Variants in ZFAT observed in about 807,000 individuals in gnomAD.
ZFAT encodes the protein zinc finger protein ZFAT.
In ZFAT, 64 loss-of-function variants were observed where a neutral mutation model predicts 117.7. The observed-to-expected ratio is 0.54, with a 90% CI of 0.44 to 0.67. The LOEUF is 0.67. Ranked by LOEUF, ZFAT falls within the 30% of genes least tolerant of loss-of-function variation. ZFAT has a pLI of 0.00. For synonymous variants in ZFAT, 679 were observed against 615.0 expected (o/e 1.10, Z -1.54); for missense variants, 1,433 against 1,584.5 (o/e 0.90, Z 1.62).
At chr8:134,786,906 T>G in the ZFAT span, among the ~76,000 whole-genome samples, 2 of 151,384 alleles carry the variant, frequency 1.3e-5, no homozygotes, top group African/African-American at 4.9e-5. Context: ...TGGAGTGTAG[T>G]GACACAATTA....
rs117338022 is a variant in ZFAT at position 134,479,783 on chromosome 8, G to A, written c.3493-1062C>T. 3.0e-3 allele frequency among the ~76,000 whole-genome samples: 457 copies of A among 152,188 alleles called. 1 individual carries two copies. The highest frequency in any genetic ancestry group is 3.2e-3 in the Non-Finnish European group (216 of 68,014). On this transcript the variant is annotated intron_variant, in intron 15 of 15. Coordinates refer to ENST00000377838, the MANE Select transcript of ZFAT (RefSeq NM_020863.4). ...ATCAATTCCACCATTTATAAGCTACGAGGCCTGGGCAAGACACTTTTGCCC... is the reference window on the plus strand; with the variant it reads ...ATCAATTCCACCATTTATAAGCTACAAGGCCTGGGCAAGACACTTTTGCCC...
intron 12 of ZFAT, among the ~76,000 whole-genome samples, chr8:134,530,891 G>A (rs1821357300): frequency 6.6e-6 from 1 of 152,180 alleles, no homozygotes; most frequent in South Asian, 2.1e-4. Flanking sequence ...GAGGATGTGT[G>A]TAGCCTTTAT....
chr8:134,541,292 G>T (rs1447624249), intron 11 of ZFAT, among the ~76,000 whole-genome samples: 1 of 152,172 alleles, frequency 6.6e-6, no homozygotes, highest in Non-Finnish European at 1.5e-5. Context: ...GGATTAATGG[G>T]TTGTCATGGG....
At chr8:134,537,093 T>C (rs1327404982) in intron 11 of ZFAT, among the ~76,000 whole-genome samples, 1 of 152,270 alleles carries the variant, frequency 6.6e-6, no homozygotes, top group Non-Finnish European at 1.5e-5. Flanking sequence ...TAATTTTTAC[T>C]GATAGCTACT....
Position 134,602,770 on chromosome 8 carries a change from G to A in ZFAT, c.949C>T (p.His317Tyr). ...ASAIKANLNV[H>Y]LRKHTGEKFA... is the part of the protein sequence containing the mutation. ...TTCTCTCCAGTGTGCTTGCGCAGGT[G>A]CACATTGAGGTTGGCCTTGATGGCA... The change falls in exon 6 of 16, where the codon CAC becomes TAC. Residue 317 changes from histidine to tyrosine, a missense_variant. By Grantham distance (83) the His-to-Tyr change is moderately conservative (BLOSUM62 2). Around this residue, in one of 5 missense-constraint regions of ZFAT, gnomAD observed 436 missense variants for 482.0 expected, o/e 0.90. Coordinates refer to ENST00000377838, the MANE Select transcript of ZFAT (RefSeq NM_020863.4). 1 of 1,614,250 alleles carries A rather than the reference G, an allele frequency of 6.2e-7. No homozygotes were observed. The highest frequency in any genetic ancestry group is 8.5e-7 in the Non-Finnish European group (1 of 1,180,044).
At chr8:134,628,566 T>A (rs1004649467) in intron 3 of ZFAT, among the ~76,000 whole-genome samples, 2 of 152,220 alleles carry the variant, frequency 1.3e-5, no homozygotes, top group African/African-American at 2.4e-5. Context: ...AGGGGATGCC[T>A]AGGAAAATCC....
chr8:134,702,354 A>T (rs539834945), intron 1 of ZFAT, among the ~76,000 whole-genome samples: 33 of 152,226 alleles, frequency 2.2e-4, no homozygotes, highest in Non-Finnish European at 4.4e-4. Context: ...GCTACCTTTT[A>T]TGGTAAGTTG....
chr8:134,635,668 GGAGA>G (rs901355729), intron 3 of ZFAT, among the ~76,000 whole-genome samples: 2 of 134,828 alleles, frequency 1.5e-5, no homozygotes, highest in African/African-American at 5.5e-5. Context: ...AGAGAGACAG[GGAGA>G]GAGAGAGTGT....
chr8:134,504,238 A>C (rs1353824306), intron 15 of ZFAT, among the ~76,000 whole-genome samples: 1 of 152,114 alleles, frequency 6.6e-6, no homozygotes, highest in Non-Finnish European at 1.5e-5. Context: ...CCCCCACCTC[A>C]GAGGCTGACA....
intron 14 of ZFAT, 166 bp from the exon 15 acceptor site, chr8:134,509,915 A>G: frequency 1.2e-6 from 1 of 805,098 alleles, no homozygotes; most frequent in Non-Finnish European, 1.9e-6. Flanking sequence ...ATAGTGCTTT[A>G]TAGCTTACAA....
the ZFAT span, among the ~76,000 whole-genome samples, chr8:134,722,746 C>T: frequency 6.6e-6 from 1 of 152,164 alleles, no homozygotes; most frequent in Non-Finnish European, 1.5e-5. Context: ...ACACTGTCCT[C>T]GACCTTGAGG....
the ZFAT span, chr8:134,766,445 A>G: frequency 6.6e-6 from 1 of 152,222 alleles, no homozygotes; most frequent in African/African-American, 2.4e-5. Flanking sequence ...TCGAGGTTCA[A>G]CCATCATTAA....
chr8:134,632,886 T>C (rs6992668), intron 3 of ZFAT, among the ~76,000 whole-genome samples: 115,109 of 152,088 alleles, frequency 0.76, 43,856 homozygotes, highest in East Asian at 0.91. Flanking sequence ...CAGAGATAGC[T>C]CACTAGTGAC....
At chr8:134,554,688 A>G (rs910546038) in intron 11 of ZFAT, among the ~76,000 whole-genome samples, 2 of 152,228 alleles carry the variant, frequency 1.3e-5, no homozygotes, top group African/African-American at 4.8e-5. Context: ...CCCGGGGTGG[A>G]GCTGGAGAGA....
chr8:134,638,637 G>A (rs1311934092), intron 2 of ZFAT, among the ~76,000 whole-genome samples: 1 of 151,670 alleles, frequency 6.6e-6, no homozygotes, highest in African/African-American at 2.4e-5. Flanking sequence ...GCTGAGGCAG[G>A]AGAATGGCGT....
intron 3 of ZFAT, among the ~76,000 whole-genome samples, chr8:134,623,391 A>G (rs1033512619): frequency 4.6e-5 from 7 of 151,942 alleles, no homozygotes; most frequent in African/African-American, 1.7e-4. Flanking sequence ...CCCCTCCTCC[A>G]CTGAGGACCT....
rs1376676854 is a variant in ZFAT, at chr8:134,602,523, T to G, written c.1196A>C (p.Lys399Thr). 2 of 1,614,004 alleles carry G rather than the reference T, an allele frequency of 1.2e-6. No homozygotes were observed. Among genetic ancestry groups the G allele is most frequent in the Non-Finnish European group, 1.7e-6 (2 of 1,180,036 alleles). ...GTGGCAGTCATAGAGCAGCTGCCGC[T>G]TGCCCTCCCTCGTCATCAGGCAGAG... ...DELCLMTREGKRQLLYDCHIC... is the reference protein window; with the variant it reads ...DELCLMTREGTRQLLYDCHIC... The change falls in exon 6 of 16, where the codon AAG becomes ACG. Residue 399 changes from lysine to threonine, a missense_variant. Physicochemically the swap from Lys to Thr is moderately conservative, Grantham distance 78. Transcript: ENST00000377838.
chr8:134,555,954 AGGAAGGAGGGAAGGAGGGAGGGAG>A (rs1390734930), intron 11 of ZFAT, among the ~76,000 whole-genome samples: 31 of 137,772 alleles, frequency 2.3e-4, no homozygotes, highest in Non-Finnish European at 3.0e-4. Flanking sequence ...TACAAAAAGA[AGGAAGGAGGGAAGGAGGGAGGGAG>A]GGAAGGAGGG....
chr8:134,683,165 G>GT (rs1833151521), intron 1 of ZFAT, among the ~76,000 whole-genome samples: 1 of 152,162 alleles, frequency 6.6e-6, no homozygotes, highest in Non-Finnish European at 1.5e-5. Flanking sequence ...GGCTCCCTTG[G>GT]GGGCATGGAG....
Sources: allele counts gnomAD v4.1 joint callset (sites outside exome capture counted in the v4.1 genomes callset), GRCh38; gene constraint gnomAD v4.1.1; regional missense constraint gnomAD v4.1.1; transcripts MANE v1.5; gene names NCBI Gene and HGNC (gene_info 2026-07-23, HGNC 2026-07-21).